Variants in PHACTR1 observed in about 807,000 individuals in gnomAD.
PHACTR1 encodes RPEL repeat containing 1.
A neutral mutation model predicts 69.2 loss-of-function variants in PHACTR1; 16 were observed. That is an observed-to-expected ratio of 0.23 (90% confidence interval 0.16 to 0.35). The LOEUF (loss-of-function observed/expected upper bound fraction) is 0.35. Ranked by LOEUF, PHACTR1 falls within the 10% of genes least tolerant of loss-of-function variation. The pLI, the probability that PHACTR1 is intolerant of heterozygous loss-of-function variation, is 1.00. For missense variants in PHACTR1, 510 were observed against 734.7 expected, an observed-to-expected ratio of 0.69 and a Z score of 3.54; for synonymous variants, 312 against 284.5, an observed-to-expected ratio of 1.10 and a Z score of -0.97.
At chr6:13,216,700 A>G (rs1038515018) in intron 8 of PHACTR1, among the ~76,000 whole-genome samples, 50 of 152,144 alleles carry the variant, frequency 3.3e-4, no homozygotes, top group African/African-American at 1.2e-3. Flanking sequence ...GCCTATATTT[A>G]TCATCTTTAA....
chr6:12,788,442 G>T (rs1339663871), intron 4 of PHACTR1, among the ~76,000 whole-genome samples: 1 of 152,138 alleles, frequency 6.6e-6, no homozygotes, highest in Non-Finnish European at 1.5e-5. Flanking sequence ...AGGTGATGGA[G>T]AGGAACGAAA....
chr6:12,901,389 A>G (rs538878745), intron 4 of PHACTR1, among the ~76,000 whole-genome samples: 90 of 152,174 alleles, frequency 5.9e-4, no homozygotes, highest in Admixed American at 2.6e-3. Flanking sequence ...CCAAAAAGCT[A>G]ATGCAAAGGA....
intron 5 of PHACTR1, among the ~76,000 whole-genome samples, chr6:13,091,900 C>T (rs1421501364): frequency 6.6e-6 from 1 of 152,182 alleles, no homozygotes; most frequent in Non-Finnish European, 1.5e-5. Flanking sequence ...TGAGTTCAAG[C>T]TGTTCTCCTG....
intron 4 of PHACTR1, among the ~76,000 whole-genome samples, chr6:12,869,132 A>G (rs1346420655): frequency 6.6e-6 from 1 of 152,164 alleles, no homozygotes; most frequent in African/African-American, 2.4e-5. Context: ...CTTCAGGTAG[A>G]ACAACCCTGG....
At chr6:13,099,347 G>A (rs780417975) in intron 5 of PHACTR1, among the ~76,000 whole-genome samples, 5 of 152,222 alleles carry the variant, frequency 3.3e-5, no homozygotes, top group Non-Finnish European at 5.9e-5. Flanking sequence ...TCTGTCTGTT[G>A]AGTCTTACAC....
At chr6:12,928,909 C>G (rs1385422787) in intron 4 of PHACTR1, among the ~76,000 whole-genome samples, 2 of 152,090 alleles carry the variant, frequency 1.3e-5, no homozygotes, top group Admixed American at 6.6e-5. Flanking sequence ...GAGAGGGAAG[C>G]GAGGTGATTC....
chr6:12,944,074 C>T (rs188956163), intron 4 of PHACTR1, among the ~76,000 whole-genome samples: 4 of 152,254 alleles, frequency 2.6e-5, no homozygotes, highest in Non-Finnish European at 2.9e-5. Context: ...TGCACCACTT[C>T]CTTTTGTTAA....
intron 6 of PHACTR1, 32 bp from the exon 7 acceptor site, chr6:13,182,487 C>G: frequency 6.2e-7 from 1 of 1,608,544 alleles, no homozygotes; most frequent in East Asian, 2.2e-5. Context: ...CAGACATTGT[C>G]TAACTCTGCA....
At chr6:12,759,319 T>C (rs578084001) in intron 4 of PHACTR1, among the ~76,000 whole-genome samples, 2 of 152,192 alleles carry the variant, frequency 1.3e-5, no homozygotes, top group South Asian at 2.1e-4. Flanking sequence ...CACTCTAATA[T>C]ATTTTTGTTA....
intron 4 of PHACTR1, among the ~76,000 whole-genome samples, chr6:12,985,313 GTAGAGAC>G (rs1023780108): frequency 2.7e-4 from 41 of 152,062 alleles, no homozygotes; most frequent in African/African-American, 9.9e-4. Flanking sequence ...AAATTAACCT[GTAGAGAC>G]TAGATTTTGC....
chr6:12,990,176 T>A (rs1240382559), intron 4 of PHACTR1, among the ~76,000 whole-genome samples: 1 of 152,208 alleles, frequency 6.6e-6, no homozygotes, highest in East Asian at 1.9e-4. Flanking sequence ...AAGCAGTAAT[T>A]GTCTTAGCTA....
In PHACTR1 at chr6:12,945,729, G is replaced by A. The variant is rs189291442; in HGVS notation, c.251-107636G>A. Among the ~76,000 whole-genome samples, 607 of 152,048 alleles carry A rather than the reference G, an allele frequency of 4.0e-3. 1 individual carries two copies. Among genetic ancestry groups the A allele is most frequent in the African/African-American group, 0.014 (586 of 41,464 alleles). On this transcript the variant is annotated intron_variant, in intron 4 of 14. Transcript: ENST00000332995. ...CTGTAATCCCAGCATTTTGGGAGGC[G>A]GAGGCAGGCAGATCACCTGAGGTCA...
chr6:13,200,010 T>C (rs998781595), intron 7 of PHACTR1, among the ~76,000 whole-genome samples: 2 of 152,232 alleles, frequency 1.3e-5, no homozygotes, highest in African/African-American at 4.8e-5. Flanking sequence ...TTTTACTTTT[T>C]ACATGTTGGG....
intron 5 of PHACTR1, among the ~76,000 whole-genome samples, chr6:13,153,017 G>C (rs1354455260): frequency 6.6e-6 from 1 of 152,116 alleles, no homozygotes; most frequent in Non-Finnish European, 1.5e-5. Flanking sequence ...CACAGCGACT[G>C]GGAATGTACT....
rs529576130 is a variant in PHACTR1 at position 12,894,557 on chromosome 6, G to T, written c.250+144767G>T. Among the ~76,000 whole-genome samples, 25 of 152,298 alleles carry T rather than the reference G, an allele frequency of 1.6e-4. No individual in the cohort carries two copies. In the South Asian group the frequency reaches 5.0e-3, roughly 30 times the overall value. ...AAGGCGGATGTAGCAGTGAGCCGAG[G>T]TCACGCCACTGCACTCCAGCCTGGG... On this transcript the variant is annotated intron_variant, in intron 4 of 14. Coordinates refer to ENST00000332995, the MANE Select transcript of PHACTR1 (RefSeq NM_030948.6).
Position 13,190,198 on chromosome 6 carries a change from A to ATTTTTTTTTTTTTTTTTTTTTT in PHACTR1, c.664+7528_664+7529insTTTTTTTTTTTTTTTTTTTTTT, listed in dbSNP as rs1215055032. On this transcript the variant is annotated intron_variant, in intron 7 of 14. Transcript: ENST00000332995. ...GCCACTATGCTCAGCTAATTTTTGTATTTTTTTTTTTTTTTTAGTAGAGGT... is the reference window on the plus strand; with the variant it reads ...GCCACTATGCTCAGCTAATTTTTGTATTTTTTTTTTTTTTTTTTTTTTTTTTTTTTTTTTTTTTAGTAGAGGT... 3.0e-3 allele frequency among the ~76,000 whole-genome samples: 261 copies of ATTTTTTTTTTTTTTTTTTTTTT among 87,166 alleles called. 37 individuals carry two copies. The highest frequency in any genetic ancestry group is 0.011 in the Middle Eastern group (1 of 94). 57.2% of individuals were successfully genotyped at this position (87,166 alleles called of 152,430 possible).
intron 4 of PHACTR1, among the ~76,000 whole-genome samples, chr6:12,777,630 T>TC (rs1030846107): frequency 7.2e-5 from 3 of 41,548 alleles, no homozygotes; most frequent in African/African-American, 4.0e-4. Context: ...TTCTTCTTTT[T>TC]TTTTTTTTTT....
At chr6:13,170,804 T>G (rs1223549) in intron 6 of PHACTR1, among the ~76,000 whole-genome samples, 34,237 of 152,078 alleles carry the variant, frequency 0.23, 3,986 homozygotes, top group South Asian at 0.45. Context: ...CCCAGGACCC[T>G]AGACTGCTGC....
At chr6:12,927,333 G>T (rs1213710263) in intron 4 of PHACTR1, among the ~76,000 whole-genome samples, 1 of 152,138 alleles carries the variant, frequency 6.6e-6, no homozygotes, top group African/African-American at 2.4e-5. Context: ...GGTCTTCTTT[G>T]TCTTTATATC....
Sources: allele counts gnomAD v4.1 joint callset (sites outside exome capture counted in the v4.1 genomes callset), GRCh38; gene constraint gnomAD v4.1.1; transcripts MANE v1.5; gene names NCBI Gene and HGNC (gene_info 2026-07-23, HGNC 2026-07-21).